SETD2: variants seen among roughly 807,000 people sequenced by gnomAD.
SETD2 encodes histone-lysine N-methyltransferase SETD2.
In SETD2, 31 loss-of-function variants were observed where a neutral mutation model predicts 242.1. The observed-to-expected ratio is 0.13, with a 90% CI of 0.10 to 0.17. The LOEUF (loss-of-function observed/expected upper bound fraction) is 0.17. Among genes scored for constraint, SETD2 ranks in the 10% least tolerant of loss-of-function variants. SETD2 has a pLI of 1.00. For synonymous variants in SETD2, 1,006 were observed against 1,066.5 expected (o/e 0.94, Z 1.11); for missense variants, 2,481 against 3,046.3 (o/e 0.81, Z 4.37).
At chr3:47,054,133 T>C (rs1314808626) in intron 15 of SETD2, among the ~76,000 whole-genome samples, 1 of 152,136 alleles carries the variant, frequency 6.6e-6, no homozygotes, top group South Asian at 2.1e-4. Flanking sequence ...GGAAGGATAG[T>C]TGAACCACCA....
intron 9 of SETD2, among the ~76,000 whole-genome samples, chr3:47,097,099 T>C (rs891471274): frequency 6.6e-6 from 1 of 152,218 alleles, no homozygotes; most frequent in African/African-American, 2.4e-5. Flanking sequence ...CTGTCATCTA[T>C]AGTTCTTATG....
intron 1 of SETD2, among the ~76,000 whole-genome samples, chr3:47,150,109 A>C (rs2043951326): frequency 7.2e-6 from 1 of 137,940 alleles, no homozygotes; most frequent in Non-Finnish European, 1.5e-5. Flanking sequence ...GGCTCACTAC[A>C]ACCTCTGCCT....
At chr3:47,068,493 CTTTTTTTTT>C (rs573954456) in intron 12 of SETD2, among the ~76,000 whole-genome samples, 2 of 108,716 alleles carry the variant, frequency 1.8e-5, no homozygotes, top group African/African-American at 7.7e-5. Context: ...AATACACTAT[CTTTTTTTTT>C]TTTTTTTTTT....
intron 3 of SETD2, 116 bp from the exon 4 acceptor site, chr3:47,116,870 G>C (rs1394316700): frequency 8.7e-6 from 6 of 690,514 alleles, no homozygotes; most frequent in Non-Finnish European, 1.4e-5. Context: ...TTTAAACAGG[G>C]TCTTGTTCTG....
At chr3:47,050,758 T>C (rs1180244708) in intron 15 of SETD2, among the ~76,000 whole-genome samples, 1 of 109,660 alleles carries the variant, frequency 9.1e-6, no homozygotes, top group Non-Finnish European at 1.8e-5. Context: ...TGAGACAGAG[T>C]CTCACTCTGT....
At chr3:47,054,133 T>G (rs1314808626) in intron 15 of SETD2, among the ~76,000 whole-genome samples, 1 of 152,136 alleles carries the variant, frequency 6.6e-6, no homozygotes, top group Non-Finnish European at 1.5e-5. Context: ...GGAAGGATAG[T>G]TGAACCACCA....
rs942266422 is a variant in SETD2, at chr3:47,122,904, A to G, written c.1732T>C (p.Leu578=). The G allele has an allele frequency of 1.2e-6, 2 of 1,610,334 alleles. No individual in the cohort carries two copies. Among genetic ancestry groups the G allele is most frequent in the Non-Finnish European group, 8.5e-7 (1 of 1,178,450 alleles). ...KFKNSFCCTE[L]NEEIKQSHSF... is the part of the protein sequence containing the mutation. ...TGAGACTGTTTGATTTCTTCATTTA[A>G]TTCTGTACAACAGAAAGAATTTTTA... Residue 578 remains leucine (L), a synonymous_variant, in exon 3 of 21, where the codon TTA becomes CTA. Transcript: ENST00000409792.
chr3:47,078,621 T>C (rs937401008), intron 12 of SETD2, among the ~76,000 whole-genome samples: 3 of 151,206 alleles, frequency 2.0e-5, no homozygotes, highest in African/African-American at 7.3e-5. Context: ...ATTTTATCAC[T>C]GTGATTTGCT....
intron 7 of SETD2, among the ~76,000 whole-genome samples, chr3:47,102,473 G>A (rs918385473): frequency 6.6e-5 from 10 of 152,138 alleles, no homozygotes; most frequent in African/African-American, 1.7e-4. Flanking sequence ...TTTGCAGAGC[G>A]GGTTCATAGC....
intron 17 of SETD2, among the ~76,000 whole-genome samples, chr3:47,040,568 G>GTTTTTTTTTT (rs2039231677): frequency 1.4e-5 from 1 of 72,120 alleles, no homozygotes; most frequent in African/African-American, 6.3e-5. Context: ...GAGGGAAAAG[G>GTTTTTTTTTT]ATTTTTTTTT....
chr3:47,120,612 C>T lies in SETD2; in HGVS notation c.4024G>A (p.Asp1342Asn), dbSNP rs936963184. 2.5e-6 allele frequency: 4 copies of T among 1,613,906 alleles called. No individual in the cohort carries two copies. The highest frequency in any genetic ancestry group is 2.2e-5 in the South Asian group (2 of 91,080). Reference protein sequence around the residue: ...TDDREEEENWDQQDGSHFSDQ... With the variant: ...TDDREEEENWNQQDGSHFSDQ... ...GAAAAATGGGATCCATCCTGTTGAT[C>T]CCAATTCTCCTCTTCTTCACGATCA... Residue 1342 changes from aspartate (D) to asparagine (N), a missense_variant, in exon 3 of 21, where the codon GAT (aspartate) becomes AAT (asparagine). Physicochemically the swap from Asp to Asn is conservative, Grantham distance 23. Around this residue, in one of 17 missense-constraint regions of SETD2, gnomAD observed 1,300 missense variants for 1,259.2 expected, o/e 1.03. Coordinates refer to ENST00000409792, the MANE Select transcript of SETD2 (RefSeq NM_014159.7).
rs1459391594 is a variant in SETD2 at position 47,122,020 on chromosome 3, TTGATATAAATCATCAAAA to T, written c.2598_2615del (p.His866_Tyr871del). The stretch of plus-strand genomic sequence containing the variant: ...AAGCAATACCTGAACTCCCAATAGG[TTGATATAAATCATCAAAA>T]TGATTAACAGAAGCTGAACTAGTGC... On this transcript the variant is annotated inframe_deletion, in exon 3 of 21. Coordinates refer to ENST00000409792, the MANE Select transcript of SETD2 (RefSeq NM_014159.7). 2 of 1,613,744 alleles carry T rather than the reference TTGATATAAATCATCAAAA, an allele frequency of 1.2e-6. No individual in the cohort carries two copies. The highest frequency in any genetic ancestry group is 3.3e-5 in the Admixed American group (2 of 59,990).
At chr3:47,135,540 T>C (rs2043571918) in intron 1 of SETD2, among the ~76,000 whole-genome samples, 1 of 152,206 alleles carries the variant, frequency 6.6e-6, no homozygotes, top group Non-Finnish European at 1.5e-5. Flanking sequence ...GCCTCCCAAG[T>C]GTTGGGATTA....
intron 1 of SETD2, chr3:47,127,482 C>T: frequency 5.0e-6 from 2 of 400,342 alleles, no homozygotes; most frequent in Non-Finnish European, 1.0e-5. Context: ...AATCCCAACA[C>T]TTTAAGAGGC....
At chr3:47,150,851 T>G (rs1260752700) in intron 1 of SETD2, among the ~76,000 whole-genome samples, 3 of 150,098 alleles carry the variant, frequency 2.0e-5, no homozygotes, top group Non-Finnish European at 4.4e-5. Flanking sequence ...GCCTGGGAGG[T>G]TGAGGCTGCA....
rs1346378722 is a variant in SETD2 at position 47,120,418 on chromosome 3, T to C, written c.4218A>G (p.Lys1406=). The C allele has an allele frequency of 1.9e-6, 3 of 1,611,508 alleles. No homozygotes were observed. The highest frequency in any genetic ancestry group is 2.5e-6 in the Non-Finnish European group (3 of 1,179,362). Residue 1406 remains lysine (K), a synonymous_variant, in exon 3 of 21, where the codon AAA becomes AAG. Transcript: ENST00000409792. ...AATCACTCTCTATTTCCTGCCTCCT[T>C]TTTTTAAGAGGCCCTCTATCTTTGA... ...NDIKDRGPLK[K]RRQEIESDSE...
chr3:47,140,760 C>T (rs2043708739), intron 1 of SETD2, among the ~76,000 whole-genome samples: 1 of 152,072 alleles, frequency 6.6e-6, no homozygotes, highest in Non-Finnish European at 1.5e-5. Context: ...ACTCGGGAGG[C>T]TAAGGCACAA....
intron 8 of SETD2, among the ~76,000 whole-genome samples, chr3:47,100,369 T>TC (rs2042163105): frequency 6.6e-6 from 1 of 152,144 alleles, no homozygotes; most frequent in African/African-American, 2.4e-5. Flanking sequence ...CAAGCTATTC[T>TC]CCTGCCTCAG....
chr3:47,051,825 G>A (rs898982793), intron 15 of SETD2, among the ~76,000 whole-genome samples: 2 of 151,958 alleles, frequency 1.3e-5, no homozygotes, highest in Non-Finnish European at 2.9e-5. Context: ...TAATATTTTG[G>A]AAGACAAAAT....
Sources: allele counts gnomAD v4.1 joint callset (sites outside exome capture counted in the v4.1 genomes callset), GRCh38; gene constraint gnomAD v4.1.1; regional missense constraint gnomAD v4.1.1; transcripts MANE v1.5; gene names NCBI Gene and HGNC (gene_info 2026-07-23, HGNC 2026-07-21).